Variants in ATP2C2 observed in about 807,000 individuals in gnomAD.
ATP2C2 encodes calcium-transporting ATPase type 2C member 2.
A neutral mutation model predicts 110.8 loss-of-function variants in ATP2C2; 171 were observed. The observed-to-expected ratio is 1.54, with a 90% confidence interval of 1.36 to 1.75. The LOEUF (loss-of-function observed/expected upper bound fraction) is 1.75, where lower values mean the gene tolerates loss of function less well. ATP2C2 is among the 40% of genes most tolerant of loss of function. The pLI is 0.00. For missense variants in ATP2C2, 1,963 were observed against 1,235.0 expected (o/e 1.59, Z -8.84); for synonymous variants, 804 against 508.4 (o/e 1.58, Z -7.82).
At chr16:84,392,248 G>A (rs796532125) in intron 1 of ATP2C2, among the ~76,000 whole-genome samples, 73 of 152,028 alleles carry the variant, frequency 4.8e-4, no homozygotes, top group African/African-American at 1.7e-3. Context: ...GCATATCTAT[G>A]GCTAAAGAGA....
At chr16:84,415,447 C>T in intron 6 of ATP2C2, 36 bp from the exon 7 acceptor site, 4 of 1,553,350 alleles carry the variant, frequency 2.6e-6, no homozygotes, top group Non-Finnish European at 3.6e-6. Context: ...CAAATGTCAG[C>T]ATGGATGCTT....
At chr16:84,389,525 T>G (rs537029512) in intron 1 of ATP2C2, among the ~76,000 whole-genome samples, 1 of 152,280 alleles carries the variant, frequency 6.6e-6, no homozygotes, top group South Asian at 2.1e-4. Flanking sequence ...AATCATCTGG[T>G]GTTTATCTGG....
intron 11 of ATP2C2, among the ~76,000 whole-genome samples, chr16:84,426,736 C>T (rs901603378): frequency 1.3e-5 from 2 of 152,180 alleles, no homozygotes; most frequent in Non-Finnish European, 1.5e-5. Flanking sequence ...TCTATCCAAG[C>T]CCTTGTCTTA....
At chr16:84,376,208 T>C (rs572958154) in intron 1 of ATP2C2, among the ~76,000 whole-genome samples, 1 of 152,106 alleles carries the variant, frequency 6.6e-6, no homozygotes, top group African/African-American at 2.4e-5. Context: ...CAGGGGAGTT[T>C]GGAATGACCA....
At chr16:84,449,588 C>G (rs1910069130) in intron 17 of ATP2C2, among the ~76,000 whole-genome samples, 1 of 152,200 alleles carries the variant, frequency 6.6e-6, no homozygotes, top group Admixed American at 6.5e-5. Flanking sequence ...AGCCTTGACT[C>G]TGTTTCGGTG....
chr16:84,421,366 T>C (rs1356777853), intron 7 of ATP2C2, among the ~76,000 whole-genome samples: 3 of 152,236 alleles, frequency 2.0e-5, no homozygotes. Context: ...TCTTGGGGAC[T>C]GAGATGCTAT....
At position 84,459,138 on chromosome 16, in the gene ATP2C2, C is replaced by T. The variant is rs772045938; in HGVS notation, c.2166C>T (p.Gly722=). 1.5e-5 allele frequency: 24 copies of T among 1,614,096 alleles called. 1 individual carries two copies. The South Asian group carries it at 2.6e-4, about 18-fold the overall frequency. Residue 722 remains glycine (G), a synonymous_variant, in exon 22 of 27, where the codon GGC becomes GGT. Transcript: ENST00000262429. ...CTTGCAGGAATGCAGTGGAGGAAGGCAAGGGTATTTTTTACAACATCAAAA... is the reference window on the plus strand; with the variant it reads ...CTTGCAGGAATGCAGTGGAGGAAGGTAAGGGTATTTTTTACAACATCAAAA... ...FSAIMNAVEE[G]KGIFYNIKNF...
intron 16 of ATP2C2, among the ~76,000 whole-genome samples, chr16:84,447,755 A>G (rs1251410001): frequency 1.4e-5 from 2 of 146,286 alleles, no homozygotes; most frequent in Admixed American, 1.4e-4. Flanking sequence ...AATATATAAT[A>G]TACATATAAA....
At position 84,463,769 on chromosome 16, in the gene ATP2C2, G is replaced by C. The variant is rs145943220; in HGVS notation, c.*37G>C. On this transcript the variant is annotated 3_prime_UTR_variant, in exon 27 of 27. Transcript: ENST00000262429. ...CCGCGGCACCTTCCCTAATCATCTC[G>C]ATCTGGTTGTGACTGTGGCCCCTGC... 71 of 1,552,152 alleles carry C rather than the reference G, an allele frequency of 4.6e-5. No homozygotes were observed. In the African/African-American group the frequency reaches 6.1e-4, roughly 13 times the overall value.
At chr16:84,409,663 T>C (rs1177221412) in intron 4 of ATP2C2, among the ~76,000 whole-genome samples, 1 of 152,088 alleles carries the variant, frequency 6.6e-6, no homozygotes, top group African/African-American at 2.4e-5. Flanking sequence ...TGGTTAATTT[T>C]TGCTAATTTT....
intron 21 of ATP2C2, among the ~76,000 whole-genome samples, chr16:84,455,499 T>A (rs1910711722): frequency 6.6e-6 from 1 of 152,246 alleles, no homozygotes; most frequent in Non-Finnish European, 1.5e-5. Flanking sequence ...CTCTAGGTTC[T>A]GGGGCTTGCA....
At chr16:84,440,805 G>GGAGCAT (rs1394248317) in intron 13 of ATP2C2, 52 bp from the exon 14 acceptor site, 20 of 1,414,070 alleles carry the variant, frequency 1.4e-5, no homozygotes, top group Non-Finnish European at 1.9e-5. Context: ...GCCAACTGGG[G>GGAGCAT]GAGCATGTTT....
rs893817114 is a variant in ATP2C2, at chr16:84,416,998, G to A, written c.624+1407G>A. 2.6e-5 allele frequency among the ~76,000 whole-genome samples: 4 copies of A among 152,196 alleles called. No individual in the cohort carries two copies. In the East Asian group the frequency reaches 7.7e-4, roughly 29 times the overall value. ...GGTCCGCCACAAGGGCTGGTGCAGA[G>A]GCAGAGAGAGGCCGTATGAGAGGTG... On this transcript the variant is annotated intron_variant, in intron 7 of 26. Transcript: ENST00000262429.
At chr16:84,408,358 G>C in intron 3 of ATP2C2, 47 bp from the exon 4 acceptor site, 1 of 1,565,092 alleles carries the variant, frequency 6.4e-7, no homozygotes, top group Non-Finnish European at 8.8e-7. Context: ...ACCCATTCTG[G>C]TCCCTGAGAC....
At chr16:84,439,706 A>G (rs1264408153) in intron 13 of ATP2C2, among the ~76,000 whole-genome samples, 182 bp downstream of exon 13, 3 of 152,204 alleles carry the variant, frequency 2.0e-5, no homozygotes, top group Non-Finnish European at 4.4e-5. Flanking sequence ...CTTTTAATAG[A>G]TATGACCAAT....
At chr16:84,412,395 T>C (rs1436486229) in intron 6 of ATP2C2, among the ~76,000 whole-genome samples, 2 of 143,650 alleles carry the variant, frequency 1.4e-5, no homozygotes, top group Non-Finnish European at 3.1e-5. Flanking sequence ...TATGTGTCTG[T>C]GTGTGTCTGT....
intron 26 of ATP2C2, 53 bp from the exon 27 acceptor site, chr16:84,463,561 G>C (rs201196348): frequency 5.9e-5 from 89 of 1,501,594 alleles, no homozygotes; most frequent in Non-Finnish European, 8.3e-5. Context: ...CTTCCTGCCG[G>C]CGCAACAGAG....
At chr16:84,414,396 A>T (rs1906651666) in intron 6 of ATP2C2, among the ~76,000 whole-genome samples, 1 of 152,126 alleles carries the variant, frequency 6.6e-6, no homozygotes, top group African/African-American at 2.4e-5. Flanking sequence ...GGCTCTCCTC[A>T]TGATCCCAGA....
chr16:84,443,129 C>G (rs1909422566), intron 15 of ATP2C2, among the ~76,000 whole-genome samples: 2 of 151,980 alleles, frequency 1.3e-5, no homozygotes, highest in South Asian at 4.2e-4. Context: ...ATTCTGTGCT[C>G]AGAGGACAAG....
Sources: allele counts gnomAD v4.1 joint callset (sites outside exome capture counted in the v4.1 genomes callset), GRCh38; gene constraint gnomAD v4.1.1; transcripts MANE v1.5; gene names NCBI Gene and HGNC (gene_info 2026-07-23, HGNC 2026-07-21).